Variants in ANAPC11 observed in about 807,000 individuals in gnomAD.
ANAPC11 encodes the protein anaphase promoting complex subunit 11, also known as anaphase-promoting complex subunit 11.
A neutral mutation model predicts 11.8 loss-of-function variants in ANAPC11; 5 were observed. The observed-to-expected ratio is 0.42, with a 90% confidence interval of 0.22 to 0.89. The LOEUF (loss-of-function observed/expected upper bound fraction) is 0.89, where lower values mean the gene tolerates loss of function less well. Among genes scored for constraint, ANAPC11 ranks in the 40% least tolerant of loss-of-function variants. The pLI, the probability that ANAPC11 is intolerant of heterozygous loss-of-function variation, is 0.28. For missense variants in ANAPC11, 68 were observed against 112.9 expected (o/e 0.60, Z 1.80); for synonymous variants, 45 against 41.0 (o/e 1.10, Z -0.38).
rs757306140 is a variant in ANAPC11, at chr17:81,894,439, G to C, written c.-11-28G>C. ...GTTCTAGCTCTGCAGACTCAATTTA[G>C]CCAGTCGTCCTGTTCCCTCCGCCGC... On this transcript the variant is annotated intron_variant, in intron 2 of 3. Coordinates refer to ENST00000344877, the MANE Select transcript of ANAPC11 (RefSeq NM_001002248.3). The C allele has an allele frequency of 5.0e-6, 7 of 1,412,584 alleles. No homozygotes were observed. The East Asian group carries it at 1.6e-4, about 33-fold the overall frequency. The allele number at this position is 1,412,584 out of a possible 1,614,324, so 87.5% of individuals were successfully genotyped here. A position where few individuals can be genotyped will look rare whatever the true frequency, so the allele number is the denominator to read the frequency against.
intron 3 of ANAPC11, among the ~76,000 whole-genome samples, chr17:81,895,549 G>T (rs567294738): frequency 6.6e-6 from 1 of 152,050 alleles, no homozygotes; most frequent in African/African-American, 2.4e-5. Flanking sequence ...GGCGGCCCAC[G>T]CCTGTTATTC....
At chr17:81,891,488 GC>G, upstream of ANAPC11, 1 of 1,236,266 alleles carries the variant, frequency 8.1e-7, no homozygotes. Flanking sequence ...CCCGGCCCCC[GC>G]CCCGGCCGCC....
upstream of ANAPC11, chr17:81,891,396 A>G: frequency 9.2e-7 from 1 of 1,089,672 alleles, no homozygotes; most frequent in Non-Finnish European, 1.1e-6. Flanking sequence ...CCGGTTCCGG[A>G]TGGGCCCGCC....
intron 3 of ANAPC11, 124 bp downstream of exon 3, chr17:81,894,710 A>ATT: frequency 2.5e-6 from 1 of 405,628 alleles, no homozygotes; most frequent in South Asian, 9.8e-5. Context: ...ACCCAGTTTC[A>ATT]TTTTCTTTTT....
intron 3 of ANAPC11, chr17:81,899,551 T>C (rs1178977170): frequency 5.0e-6 from 8 of 1,609,460 alleles, no homozygotes; most frequent in Middle Eastern, 1.7e-4. Context: ...AGGTCAGACA[T>C]TGCCCTTTTT....
At chr17:81,892,712 A>G (rs2039587813) in intron 1 of ANAPC11, among the ~76,000 whole-genome samples, 1 of 151,708 alleles carries the variant, frequency 6.6e-6, no homozygotes, top group Non-Finnish European at 1.5e-5. Context: ...TAATAGAGAC[A>G]GGGTTTCGCC....
rs2039886988 is a variant in ANAPC11, at chr17:81,899,957, C to T, written c.147C>T (p.Gly49=). 6.2e-7 allele frequency: 1 copy of T among 1,612,278 alleles called. No homozygotes were observed. Among genetic ancestry groups the T allele is most frequent in the South Asian group, 1.1e-5 (1 of 91,072 alleles). Reference sequence around the variant, plus strand: ...GCGACGACTGCCCGCTGGTGTGGGGCCAGTGCTCCCACTGCTTCCACATGC... The same window carrying T: ...GCGACGACTGCCCGCTGGTGTGGGGTCAGTGCTCCCACTGCTTCCACATGC... ...VPGDDCPLVW[G]QCSHCFHMHC... is the part of the protein sequence containing the mutation. The change falls in exon 4 of 4, where the codon GGC becomes GGT. Residue 49 remains glycine, a synonymous_variant. Coordinates refer to ENST00000344877, the MANE Select transcript of ANAPC11 (RefSeq NM_001002248.3).
intron 3 of ANAPC11, among the ~76,000 whole-genome samples, chr17:81,897,857 T>C (rs1436116680): frequency 6.6e-6 from 1 of 152,112 alleles, no homozygotes; most frequent in Non-Finnish European, 1.5e-5. Context: ...TCTCAAACTC[T>C]TGGCTCTGTC....
chr17:81,892,446 G>GC (rs2039573284), intron 1 of ANAPC11, among the ~76,000 whole-genome samples: 1 of 151,778 alleles, frequency 6.6e-6, no homozygotes, highest in Non-Finnish European at 1.5e-5. Context: ...TCCAGCCTGG[G>GC]CGACAGAGCC....
Position 81,900,062 on chromosome 17 carries a change from G to C in ANAPC11, c.252G>C (p.Glu84Asp), listed in dbSNP as rs747246909. Residue 84 changes from glutamate to aspartate, a missense_variant, in exon 4 of 4, where the codon GAG becomes GAC. Physicochemically the swap from Glu to Asp is conservative, Grantham distance 45. Transcript: ENST00000344877. Reference sequence around the variant, plus strand: ...GCCGCCAGGAATGGAAGTTCAAGGAGTGAGGCCCGACCTGGCTCTCGCTGG... The same window carrying C: ...GCCGCCAGGAATGGAAGTTCAAGGACTGAGGCCCGACCTGGCTCTCGCTGG... ...PMCRQEWKFK[E>D] 1.9e-6 allele frequency: 3 copies of C among 1,612,626 alleles called. No individual in the cohort carries two copies. The South Asian group carries it at 3.3e-5, about 18-fold the overall frequency.
intron 3 of ANAPC11, among the ~76,000 whole-genome samples, chr17:81,895,158 G>C (rs571119488): frequency 1.9e-4 from 28 of 148,786 alleles, no homozygotes; most frequent in African/African-American, 6.7e-4. Context: ...GGGCTCAAGC[G>C]ATTCTCCTGC....
rs2039664911 is a variant in ANAPC11 at position 81,894,491 on chromosome 17, T to A, written c.14T>A (p.Ile5Asn). 6.2e-7 allele frequency: 1 copy of A among 1,611,604 alleles called. No individual in the cohort carries two copies. Among genetic ancestry groups the A allele is most frequent in the Non-Finnish European group, 8.5e-7 (1 of 1,178,430 alleles). The change falls in exon 3 of 4, where the codon ATT (isoleucine) becomes AAT (asparagine). Residue 5 changes from isoleucine (I) to asparagine (N), a missense_variant. Physicochemically the swap from Ile to Asn is moderately radical, Grantham distance 149. Transcript: ENST00000344877. The stretch of plus-strand genomic sequence containing the variant: ...GGCTCTGCTGCCATGAAGGTGAAGA[T>A]TAAGTGCTGGAACGGCGTGGCCACT... Reference protein sequence around the residue: MKVKIKCWNGVATWL... With the variant: MKVKNKCWNGVATWL...
At position 81,900,247 on chromosome 17, in the gene ANAPC11, C is replaced by A. The variant is rs1281018124; in HGVS notation, c.*182C>A. 3.1e-5 allele frequency: 30 copies of A among 977,126 alleles called. No homozygotes were observed. The highest frequency in any genetic ancestry group is 4.4e-5 in the Non-Finnish European group (30 of 677,090). The allele number at this position is 977,126 out of a possible 1,614,324, so 60.5% of individuals were successfully genotyped here. On this transcript the variant is annotated 3_prime_UTR_variant, in exon 4 of 4. Coordinates refer to ENST00000344877, the MANE Select transcript of ANAPC11 (RefSeq NM_001002248.3). ...ATAAGTGAAAACTCATTAAACTACTCAAATCTTGCTGGAGGCCTCTGGGTG... is the reference window on the plus strand; with the variant it reads ...ATAAGTGAAAACTCATTAAACTACTAAAATCTTGCTGGAGGCCTCTGGGTG...
In ANAPC11 at chr17:81,900,031, C is replaced by T; in HGVS notation, c.221C>T (p.Pro74Leu). ...LHAQQVQQHC[P>L]MCRQEWKFKE is the part of the protein sequence containing the mutation. ...GCACAGCAGGTGCAGCAGCACTGCC[C>T]CATGTGCCGCCAGGAATGGAAGTTC... Residue 74 changes from proline to leucine, a missense_variant, in exon 4 of 4, where the codon CCC (proline) becomes CTC (leucine). Physicochemically the swap from Pro to Leu is moderately conservative, Grantham distance 98 (BLOSUM62 -3). Transcript: ENST00000344877. 6.2e-7 allele frequency: 1 copy of T among 1,612,644 alleles called. No individual in the cohort carries two copies. The highest frequency in any genetic ancestry group is 8.5e-7 in the Non-Finnish European group (1 of 1,179,866).
rs146719095 is a variant in ANAPC11, at chr17:81,896,651, C to T, written c.109+2065C>T. ...CTACTCACTACCCCAAGTAACCAGG[C>T]GTATTTTTGTAGGGCCAGGTGCATG... On this transcript the variant is annotated intron_variant, in intron 3 of 3. Transcript: ENST00000344877. Among the ~76,000 whole-genome samples, 222 of 152,090 alleles carry T rather than the reference C, an allele frequency of 1.5e-3. 1 individual carries two copies. Among genetic ancestry groups the T allele is most frequent in the African/African-American group, 5.1e-3 (211 of 41,486 alleles).
intron 2 of ANAPC11, chr17:81,894,168 C>T (rs2039651109): frequency 5.1e-6 from 1 of 195,402 alleles, no homozygotes; most frequent in Non-Finnish European, 1.0e-5. Context: ...CTCAGCTACT[C>T]AGGAGGCCGA....
At chr17:81,896,798 C>CTTTTTTTT (rs1156391578) in intron 3 of ANAPC11, among the ~76,000 whole-genome samples, 1 of 42,912 alleles carries the variant, frequency 2.3e-5, no homozygotes, top group Non-Finnish European at 3.8e-5. Context: ...GCCTCCTTTG[C>CTTTTTTTT]TTTTTTTTTT....
In ANAPC11 at chr17:81,899,981, G is replaced by C; in HGVS notation, c.171G>C (p.Met57Ile). 1 of 1,613,116 alleles carries C rather than the reference G, an allele frequency of 6.2e-7. No homozygotes were observed. Among genetic ancestry groups the C allele is most frequent in the Non-Finnish European group, 8.5e-7 (1 of 1,179,986 alleles). Residue 57 changes from methionine to isoleucine, a missense_variant, in exon 4 of 4, where the codon ATG becomes ATC. Met to Ile is a conservative substitution (Grantham distance 10). Transcript: ENST00000344877. ...GCCAGTGCTCCCACTGCTTCCACATGCATTGCATCCTCAAGTGGCTGCACG... is the reference window on the plus strand; with the variant it reads ...GCCAGTGCTCCCACTGCTTCCACATCCATTGCATCCTCAAGTGGCTGCACG... ...VWGQCSHCFH[M>I]HCILKWLHAQ...
At chr17:81,899,621 G>A in intron 3 of ANAPC11, 1 of 1,473,206 alleles carries the variant, frequency 6.8e-7, no homozygotes, top group South Asian at 1.3e-5. Context: ...CCTCCTCAGA[G>A]AGGCCCCTGG....
Sources: gnomAD v4.1 joint callset for allele counts (sites outside exome capture counted in the v4.1 genomes callset) on GRCh38, gnomAD v4.1.1 for gene constraint, MANE v1.5 for transcripts, NCBI Gene and HGNC (gene_info 2026-07-23, HGNC 2026-07-21) for gene names.